Variants in C12orf42 observed in about 807,000 individuals in gnomAD.
C12orf42 encodes the protein chromosome 12 open reading frame 42.
In C12orf42, 25 loss-of-function variants were observed where a neutral mutation model predicts 21.6. The ratio of observed to expected loss-of-function variants is 1.16; its 90% CI spans 0.84 to 1.62. The LOEUF (loss-of-function observed/expected upper bound fraction) is 1.62. C12orf42 is among the 40% of genes most tolerant of loss of function. The pLI is 0.00. For synonymous variants in C12orf42, 174 were observed against 175.0 expected (o/e 0.99, Z 0.05); for missense variants, 483 against 459.3 (o/e 1.05, Z -0.47).
chr12:103,214,428 TTA>T, the C12orf42 span, among the ~76,000 whole-genome samples: 1 of 152,172 alleles, frequency 6.6e-6, no homozygotes, highest in Non-Finnish European at 1.5e-5. Flanking sequence ...CCTTTCCAAA[TTA>T]CTGACAAATG....
chr12:103,550,895 C>T, the C12orf42 span, among the ~76,000 whole-genome samples: 15,810 of 151,926 alleles, frequency 0.1, 1,037 homozygotes, highest in South Asian at 0.28. Flanking sequence ...CTGTTGCAAG[C>T]AATGCTTTTT....
chr12:103,301,948 C>T (rs1248221200), downstream of C12orf42: 4 of 811,166 alleles, frequency 4.9e-6, no homozygotes, highest in Admixed American at 3.2e-5. Context: ...TTTTTGGCTG[C>T]GCTAGGGACT....
chr12:103,391,973 T>C (rs2047120322), intron 3 of C12orf42, among the ~76,000 whole-genome samples: 1 of 152,200 alleles, frequency 6.6e-6, no homozygotes, highest in Non-Finnish European at 1.5e-5. Context: ...TACATGTCTG[T>C]CTTTGATCTA....
intron 2 of C12orf42, among the ~76,000 whole-genome samples, chr12:103,408,343 A>T (rs1292795472): frequency 6.6e-6 from 1 of 152,180 alleles, no homozygotes; most frequent in Admixed American, 6.5e-5. Flanking sequence ...TTCTCCCCCT[A>T]AATAATTAGA....
chr12:103,546,446 A>C, the C12orf42 span, among the ~76,000 whole-genome samples: 1 of 152,116 alleles, frequency 6.6e-6, no homozygotes, highest in Admixed American at 6.5e-5. Context: ...GGTTGCTTTT[A>C]TGTTGTGTGT....
At chr12:103,074,197 G>T in the C12orf42 span, among the ~76,000 whole-genome samples, 1 of 152,184 alleles carries the variant, frequency 6.6e-6, no homozygotes, top group Non-Finnish European at 1.5e-5. Flanking sequence ...GATCCAGAGG[G>T]CTGAGGATGA....
At chr12:103,461,914 T>G (rs553264308) in intron 2 of C12orf42, among the ~76,000 whole-genome samples, 29 of 152,082 alleles carry the variant, frequency 1.9e-4, no homozygotes, top group Non-Finnish European at 4.1e-4. Flanking sequence ...CAAAGTGCTA[T>G]GCAAATATAA....
the C12orf42 span, among the ~76,000 whole-genome samples, chr12:103,085,351 G>A: frequency 1.3e-5 from 2 of 151,866 alleles, no homozygotes; most frequent in African/African-American, 2.4e-5. Flanking sequence ...TGCTTTTAAG[G>A]GTAGTAGCTG....
intron 10 of C12orf42, among the ~76,000 whole-genome samples, chr12:103,256,113 C>T (rs12817624): frequency 0.089 from 2,020 of 22,720 alleles, 63 homozygotes; most frequent in African/African-American, 0.21. Flanking sequence ...TATATATATA[C>T]ACACACACAC....
At chr12:103,359,227 G>C (rs1329553701) in intron 4 of C12orf42, among the ~76,000 whole-genome samples, 2 of 151,640 alleles carry the variant, frequency 1.3e-5, no homozygotes, top group Non-Finnish European at 2.9e-5. Context: ...AGAAGTCTAA[G>C]GTATATAGCT....
chr12:103,467,943 A>T (rs1474282856), intron 2 of C12orf42, among the ~76,000 whole-genome samples: 1 of 152,226 alleles, frequency 6.6e-6, no homozygotes, highest in Admixed American at 6.5e-5. Flanking sequence ...ATTAGAAAAC[A>T]ACCAAGGAAA....
At chr12:103,532,292 T>C in the C12orf42 span, among the ~76,000 whole-genome samples, 1 of 152,222 alleles carries the variant, frequency 6.6e-6, no homozygotes, top group Non-Finnish European at 1.5e-5. Context: ...GAAAATAATA[T>C]GTATTAAAGA....
At chr12:103,253,924 G>A (rs1411101025) in intron 10 of C12orf42, among the ~76,000 whole-genome samples, 2 of 151,930 alleles carry the variant, frequency 1.3e-5, no homozygotes. Context: ...CACTCGGTAG[G>A]TTGTCTGTTT....
At chr12:103,356,919 C>A (rs1372410825) in intron 4 of C12orf42, among the ~76,000 whole-genome samples, 3 of 151,792 alleles carry the variant, frequency 2.0e-5, no homozygotes, top group Non-Finnish European at 2.9e-5. Context: ...TAGAGTGGCA[C>A]ATATACACCA....
In C12orf42 at chr12:103,432,012, T is replaced by G. The variant is rs574097083; in HGVS notation, c.79-30337A>C. On this transcript the variant is annotated intron_variant, in intron 2 of 5. Transcript: ENST00000548883. ...GCAACCTGAGAGATCAAGTGCACAG[T>G]TTGACTTTCAACTTGGGGTATTATA... is the stretch of plus-strand genomic sequence containing the variant. Among the ~76,000 whole-genome samples, 21 of 152,282 alleles carry G rather than the reference T, an allele frequency of 1.4e-4. No individual in the cohort carries two copies. In the East Asian group the frequency reaches 4.0e-3, roughly 29 times the overall value.
the C12orf42 span, among the ~76,000 whole-genome samples, chr12:103,217,223 A>C: frequency 5.3e-5 from 8 of 152,198 alleles, no homozygotes; most frequent in East Asian, 1.5e-3. Context: ...TGCTTGTTAA[A>C]AGAAGCTGCT....
the C12orf42 span, among the ~76,000 whole-genome samples, chr12:103,555,423 A>G: frequency 1.3e-5 from 2 of 151,616 alleles, no homozygotes; most frequent in Non-Finnish European, 2.9e-5. Context: ...TGATTCAATT[A>G]CCTCCCACCG....
At chr12:103,117,663 A>G in the C12orf42 span, among the ~76,000 whole-genome samples, 4 of 152,348 alleles carry the variant, frequency 2.6e-5, no homozygotes, top group Admixed American at 1.3e-4. Context: ...GAATTAAATA[A>G]GTGAAAATGT....
the C12orf42 span, among the ~76,000 whole-genome samples, chr12:103,067,789 G>T: frequency 6.6e-6 from 1 of 152,130 alleles, no homozygotes; most frequent in African/African-American, 2.4e-5. Context: ...TGGACACTTT[G>T]GGCTCTCCCT....
Sources: gnomAD v4.1 joint callset for allele counts (sites outside exome capture counted in the v4.1 genomes callset) on GRCh38, gnomAD v4.1.1 for gene constraint, MANE v1.5 for transcripts, NCBI Gene and HGNC (gene_info 2026-07-23, HGNC 2026-07-21) for gene names.